The following LHFPL3 variants were observed in gnomAD, a reference collection of about 807,000 sequenced individuals.
LHFPL3 encodes the protein LHFPL tetraspan subfamily member 3 protein.
Under a neutral mutation model 19.3 loss-of-function variants are expected in LHFPL3, and 5 were observed. The observed-to-expected ratio is 0.26, with a 90% CI of 0.14 to 0.54. LHFPL3 has a LOEUF of 0.54. Ranked by LOEUF, LHFPL3 falls within the 20% of genes least tolerant of loss-of-function variation. The pLI is 0.94. For synonymous variants in LHFPL3, 133 were observed against 126.2 expected (o/e 1.05, Z -0.36); for missense variants, 249 against 307.4 (o/e 0.81, Z 1.42).
At chr7:104,599,034 A>T (rs183604109) in intron 1 of LHFPL3, among the ~76,000 whole-genome samples, 35 of 152,090 alleles carry the variant, frequency 2.3e-4, no homozygotes, top group African/African-American at 7.7e-4. Context: ...AATTTTTAAA[A>T]CTCCCCTCAT....
chr7:104,839,101 T>G (rs1481363965), intron 2 of LHFPL3, among the ~76,000 whole-genome samples: 1 of 152,176 alleles, frequency 6.6e-6, no homozygotes, highest in Non-Finnish European at 1.5e-5. Context: ...CCTAGTAGGC[T>G]GTGAGACACA....
At position 104,329,178 on chromosome 7, in the gene LHFPL3, C is replaced by T; in HGVS notation, c.399C>T (p.Asn133=). ...IICFTLFFFC[N]TATVYKICAW... ...GCTTTACCCTCTTCTTCTTCTGCAA[C>T]ACGGCCACTGTGTACAAGATATGTG... The change falls in exon 1 of 3, where the codon AAC becomes AAT. Residue 133 remains asparagine, a synonymous_variant. Transcript: ENST00000424859. 6.2e-7 allele frequency: 1 copy of T among 1,614,012 alleles called. No individual in the cohort carries two copies. The highest frequency in any genetic ancestry group is 8.5e-7 in the Non-Finnish European group (1 of 1,179,880).
At chr7:104,473,405 A>C (rs1272753027) in intron 1 of LHFPL3, among the ~76,000 whole-genome samples, 1 of 152,254 alleles carries the variant, frequency 6.6e-6, no homozygotes, top group African/African-American at 2.4e-5. Flanking sequence ...AGCAAATGGC[A>C]TGCAGGTTGC....
intron 1 of LHFPL3, among the ~76,000 whole-genome samples, chr7:104,705,014 A>G (rs1793166608): frequency 6.6e-6 from 1 of 152,192 alleles, no homozygotes; most frequent in Admixed American, 6.5e-5. Context: ...CAGTATCACA[A>G]ATAAATGGGC....
intron 1 of LHFPL3, among the ~76,000 whole-genome samples, chr7:104,696,994 C>G (rs1309839340): frequency 1.3e-5 from 2 of 152,148 alleles, no homozygotes; most frequent in Non-Finnish European, 2.9e-5. Flanking sequence ...GATTTAGTGT[C>G]TGGTGAGGGC....
chr7:104,896,283 G>A (rs1420113782), intron 2 of LHFPL3, among the ~76,000 whole-genome samples: 5 of 152,164 alleles, frequency 3.3e-5, no homozygotes, highest in Non-Finnish European at 7.3e-5. Context: ...GCTTTCCTCT[G>A]GGTGCTAGGG....
chr7:104,542,516 T>C (rs989190379), intron 1 of LHFPL3, among the ~76,000 whole-genome samples: 4 of 152,170 alleles, frequency 2.6e-5, no homozygotes, highest in Non-Finnish European at 4.4e-5. Flanking sequence ...ATTAGTCCTA[T>C]AGAGAATATG....
chr7:104,386,723 C>G (rs12216592), intron 1 of LHFPL3, among the ~76,000 whole-genome samples: 62,857 of 152,024 alleles, frequency 0.41, 13,360 homozygotes, highest in Admixed American at 0.54. Flanking sequence ...ACTGTTGATT[C>G]AAGAAAGTTT....
intron 1 of LHFPL3, among the ~76,000 whole-genome samples, chr7:104,728,822 G>T (rs896836984): frequency 1.3e-5 from 2 of 152,092 alleles, no homozygotes; most frequent in African/African-American, 4.8e-5. Context: ...CTAGCACCAA[G>T]AACAGTGCTT....
intron 1 of LHFPL3, among the ~76,000 whole-genome samples, chr7:104,346,964 T>C (rs938045931): frequency 6.7e-6 from 1 of 149,006 alleles, no homozygotes; most frequent in African/African-American, 2.5e-5. Context: ...AACATCTGGG[T>C]TTGTGTGGTG....
intron 2 of LHFPL3, among the ~76,000 whole-genome samples, chr7:104,885,915 G>A (rs555750059): frequency 6.6e-4 from 101 of 152,182 alleles, no homozygotes; most frequent in Admixed American, 1.8e-3. Flanking sequence ...TGGCTCCCCT[G>A]CTATTTCTCC....
At chr7:104,613,644 A>G (rs1168584306) in intron 1 of LHFPL3, among the ~76,000 whole-genome samples, 1 of 152,176 alleles carries the variant, frequency 6.6e-6, no homozygotes, top group Non-Finnish European at 1.5e-5. Flanking sequence ...TTGCCTAGAT[A>G]ACTAATTTTC....
intron 1 of LHFPL3, among the ~76,000 whole-genome samples, chr7:104,729,585 TC>T (rs1485267451): frequency 3.3e-5 from 5 of 152,112 alleles, no homozygotes; most frequent in Non-Finnish European, 7.4e-5. Flanking sequence ...TGAGATCAAC[TC>T]CTTTAAAGTC....
intron 2 of LHFPL3, among the ~76,000 whole-genome samples, chr7:104,745,159 C>T (rs1794016164): frequency 6.6e-6 from 1 of 152,206 alleles, no homozygotes; most frequent in Non-Finnish European, 1.5e-5. Flanking sequence ...TTCCCAACTC[C>T]CTTTCCTCTC....
chr7:104,444,001 G>T (rs1028627561), intron 1 of LHFPL3, among the ~76,000 whole-genome samples: 1 of 152,250 alleles, frequency 6.6e-6, no homozygotes, highest in African/African-American at 2.4e-5. Flanking sequence ...GATCATCGCT[G>T]TGTAATATGG....
chr7:104,395,187 C>G (rs1268981104), intron 1 of LHFPL3, among the ~76,000 whole-genome samples: 14 of 152,110 alleles, frequency 9.2e-5, no homozygotes. Flanking sequence ...TGTTAGATAG[C>G]TTACTAATTA....
chr7:104,773,697 C>G (rs1157483807), intron 2 of LHFPL3, among the ~76,000 whole-genome samples: 1 of 152,278 alleles, frequency 6.6e-6, no homozygotes, highest in Admixed American at 6.5e-5. Context: ...AGAGAAGAAA[C>G]CTGGACAGAG....
intron 1 of LHFPL3, among the ~76,000 whole-genome samples, chr7:104,363,537 A>T (rs1181425143): frequency 6.6e-6 from 1 of 152,218 alleles, no homozygotes; most frequent in Non-Finnish European, 1.5e-5. Context: ...CTGGGGATCT[A>T]GGCTGATGGA....
At chr7:104,904,566 G>A (rs187186814) in intron 2 of LHFPL3, among the ~76,000 whole-genome samples, 80 of 152,262 alleles carry the variant, frequency 5.3e-4, no homozygotes, top group Middle Eastern at 6.8e-3. Context: ...CAGGAGAATC[G>A]CTTGAACCTG....
Sources: allele counts gnomAD v4.1 joint callset (sites outside exome capture counted in the v4.1 genomes callset), GRCh38; gene constraint gnomAD v4.1.1; transcripts MANE v1.5; gene names NCBI Gene and HGNC (gene_info 2026-07-23, HGNC 2026-07-21).